Variants in GLI3 observed in about 807,000 individuals in gnomAD.
GLI3 encodes the protein transcription activator GLI3.
Under a neutral mutation model 100.8 loss-of-function variants are expected in GLI3, and 20 were observed. That is an observed-to-expected ratio of 0.20 (90% CI 0.14 to 0.29). The LOEUF (loss-of-function observed/expected upper bound fraction) is 0.29, where lower values mean the gene tolerates loss of function less well. GLI3 is among the 10% of genes least tolerant of loss of function. GLI3 has a pLI of 1.00. For missense variants in GLI3, 2,040 were observed against 2,128.5 expected (o/e 0.96, Z 0.82); for synonymous variants, 938 against 860.5 (o/e 1.09, Z -1.58).
At chr7:41,981,369 T>C (rs1306140010) in intron 10 of GLI3, among the ~76,000 whole-genome samples, 2 of 152,204 alleles carry the variant, frequency 1.3e-5, no homozygotes, top group Non-Finnish European at 2.9e-5. Flanking sequence ...GAAATACCCC[T>C]GCATAAAACT....
intron 10 of GLI3, among the ~76,000 whole-genome samples, chr7:42,005,308 G>A (rs1191244306): frequency 2.0e-5 from 3 of 152,076 alleles, no homozygotes; most frequent in Non-Finnish European, 4.4e-5. Flanking sequence ...TTTGGTGAGC[G>A]TGGTCTCTTT....
intron 7 of GLI3, among the ~76,000 whole-genome samples, chr7:42,034,630 C>T (rs948889781): frequency 7.9e-5 from 12 of 152,124 alleles, no homozygotes; most frequent in Non-Finnish European, 1.6e-4. Flanking sequence ...GGGCCTTCAC[C>T]TGCTTGGCCT....
chr7:42,169,247 G>T (rs1383783327), intron 2 of GLI3, among the ~76,000 whole-genome samples: 4 of 152,060 alleles, frequency 2.6e-5, no homozygotes, highest in African/African-American at 9.7e-5. Context: ...ATTTTAGACA[G>T]CCTAATATAT....
chr7:41,989,808 G>T (rs1269501524), intron 10 of GLI3, among the ~76,000 whole-genome samples: 1 of 151,802 alleles, frequency 6.6e-6, no homozygotes, highest in Non-Finnish European at 1.5e-5. Context: ...TGAGGCGGGA[G>T]GATTGCTTGA....
At chr7:41,985,050 G>T (rs565439525) in intron 10 of GLI3, among the ~76,000 whole-genome samples, 2 of 152,342 alleles carry the variant, frequency 1.3e-5, no homozygotes, top group East Asian at 3.9e-4. Flanking sequence ...CAGCCTTTCT[G>T]GCTGGTAGTT....
intron 2 of GLI3, among the ~76,000 whole-genome samples, chr7:42,200,083 A>T (rs1788008313): frequency 6.6e-6 from 1 of 152,224 alleles, no homozygotes; most frequent in Non-Finnish European, 1.5e-5. Flanking sequence ...CTAAGGCCAA[A>T]CAATTACTAC....
intron 10 of GLI3, among the ~76,000 whole-genome samples, chr7:41,981,550 T>G (rs1055155559): frequency 1.3e-5 from 2 of 152,106 alleles, no homozygotes; most frequent in African/African-American, 4.8e-5. Flanking sequence ...TCCAACACAC[T>G]GGAGGAGCTG....
intron 10 of GLI3, among the ~76,000 whole-genome samples, chr7:41,992,388 T>C (rs1788011480): frequency 6.6e-6 from 1 of 152,128 alleles, no homozygotes; most frequent in Non-Finnish European, 1.5e-5. Context: ...GAACATATCA[T>C]AGTGGAGATG....
At position 42,118,105 on chromosome 7, in the gene GLI3, G is replaced by A. The variant is rs1583572831; in HGVS notation, c.367+30121C>T. ...CAGGGATTTTTTTCTTTTTAATGGA[G>A]GCTCAAAATACCAACTTCGGGTTTG... On this transcript the variant is annotated intron_variant, in intron 3 of 14. Coordinates refer to ENST00000395925, the MANE Select transcript of GLI3 (RefSeq NM_000168.6). 7.9e-6 allele frequency: 3 copies of A among 380,610 alleles called. No individual in the cohort carries two copies. In the East Asian group the frequency reaches 1.1e-4, roughly 14 times the overall value. 23.6% of individuals were successfully genotyped at this position (380,610 alleles called of 1,614,324 possible).
chr7:42,001,970 T>C, intron 10 of GLI3, among the ~76,000 whole-genome samples: 1 of 152,162 alleles, frequency 6.6e-6, no homozygotes, highest in African/African-American at 2.4e-5. Context: ...TATGTGTTCA[T>C]TAAATGTATA....
intron 2 of GLI3, among the ~76,000 whole-genome samples, chr7:42,159,255 A>T (rs1168597343): frequency 1.3e-5 from 2 of 152,228 alleles, no homozygotes; most frequent in African/African-American, 4.8e-5. Context: ...AGAGCCGCAC[A>T]TAGTTTATTG....
chr7:42,084,898 A>ATTTTTT (rs1373503796), intron 3 of GLI3, among the ~76,000 whole-genome samples: 2 of 91,892 alleles, frequency 2.2e-5, no homozygotes, highest in African/African-American at 4.5e-5. Context: ...ATGCATTTGG[A>ATTTTTT]TTCTTTTTTT....
chr7:42,016,081 T>G (rs957221992), intron 10 of GLI3, among the ~76,000 whole-genome samples: 1 of 152,070 alleles, frequency 6.6e-6, no homozygotes, highest in Non-Finnish European at 1.5e-5. Context: ...GGGAGAGGCC[T>G]GGGATGCTGC....
In GLI3 at chr7:42,113,425, C is replaced by G. The variant is rs528604319; in HGVS notation, c.367+34801G>C. The G allele has an allele frequency of 4.4e-4, 320 of 723,914 alleles. 1 individual carries two copies. Among genetic ancestry groups the G allele is most frequent in the Non-Finnish European group, 7.0e-4 (276 of 391,582 alleles). The allele number at this position is 723,914 out of a possible 1,614,324, so 44.8% of individuals were successfully genotyped here. Reference sequence around the variant, plus strand: ...AGATGAAGCCAAGGTGAAGGATGAACCACAGAGAAGATCCACAAAGTTGTC... The same window carrying G: ...AGATGAAGCCAAGGTGAAGGATGAAGCACAGAGAAGATCCACAAAGTTGTC... On this transcript the variant is annotated intron_variant, in intron 3 of 14. Transcript: ENST00000395925.
intron 2 of GLI3, among the ~76,000 whole-genome samples, chr7:42,168,535 A>G (rs930353013): frequency 6.6e-6 from 1 of 152,226 alleles, no homozygotes; most frequent in African/African-American, 2.4e-5. Flanking sequence ...ATGAACATGC[A>G]CAACTACATA....
At chr7:42,178,875 C>T (rs1787534637) in intron 2 of GLI3, among the ~76,000 whole-genome samples, 1 of 152,098 alleles carries the variant, frequency 6.6e-6, no homozygotes, top group South Asian at 2.1e-4. Flanking sequence ...AAAAAATGGA[C>T]ATTTGAGCAC....
rs1445658158 is a variant in GLI3 at position 41,964,619 on chromosome 7, T to C, written c.4454A>G (p.Asn1485Ser). Residue 1485 changes from asparagine to serine, a missense_variant, in exon 15 of 15, where the codon AAT (asparagine) becomes AGT (serine). By Grantham distance (46) the Asn-to-Ser change is conservative (BLOSUM62 1). Transcript: ENST00000395925. ...KNSELLSPGA[N>S]QVTSTVDSLD... is the part of the protein sequence containing the mutation. Reference sequence around the variant, plus strand: ...GCTGTCCACTGTGCTTGTCACCTGATTAGCACCTGGGGAAAGTAACTCAGA... The same window carrying C: ...GCTGTCCACTGTGCTTGTCACCTGACTAGCACCTGGGGAAAGTAACTCAGA... The C allele has an allele frequency of 4.3e-6, 7 of 1,613,520 alleles. No homozygotes were observed. The highest frequency in any genetic ancestry group is 5.9e-6 in the Non-Finnish European group (7 of 1,179,486).
At chr7:42,116,576 T>C (rs1365010624) in intron 3 of GLI3, among the ~76,000 whole-genome samples, 4 of 152,140 alleles carry the variant, frequency 2.6e-5, no homozygotes, top group Non-Finnish European at 4.4e-5. Flanking sequence ...ATCTATCCAT[T>C]TGTTTTTATT....
In GLI3 at chr7:42,066,287, T is replaced by G. The variant is rs535023323; in HGVS notation, c.473+10465A>C. On this transcript the variant is annotated intron_variant, in intron 4 of 14. Coordinates refer to ENST00000395925, the MANE Select transcript of GLI3 (RefSeq NM_000168.6). Reference sequence around the variant, plus strand: ...AAGCAAACAGACCAAGGAAGGATGTTTCTCTCCAATACACTCGGGGGAAGG... The same window carrying G: ...AAGCAAACAGACCAAGGAAGGATGTGTCTCTCCAATACACTCGGGGGAAGG... Among the ~76,000 whole-genome samples the G allele has an allele frequency of 2.6e-5, 4 of 152,194 alleles. No homozygotes were observed. In the East Asian group the frequency reaches 7.7e-4, roughly 29 times the overall value.
Sources: gnomAD v4.1 joint callset for allele counts (sites outside exome capture counted in the v4.1 genomes callset) on GRCh38, gnomAD v4.1.1 for gene constraint, MANE v1.5 for transcripts, NCBI Gene and HGNC (gene_info 2026-07-23, HGNC 2026-07-21) for gene names.